The following MACROD2 variants were observed in gnomAD, a reference collection of about 807,000 sequenced individuals.
The protein encoded by MACROD2 is ADP-ribose glycohydrolase MACROD2.
Under a neutral mutation model 70.4 loss-of-function variants are expected in MACROD2, and 36 were observed. That is an observed-to-expected ratio of 0.51 (90% CI 0.39 to 0.68). The LOEUF (loss-of-function observed/expected upper bound fraction) is 0.68. MACROD2 is among the 30% of genes least tolerant of loss of function. The pLI is 0.00. For synonymous variants in MACROD2, 172 were observed against 178.8 expected, an observed-to-expected ratio of 0.96 and a Z score of 0.30; for missense variants, 496 against 538.4, an observed-to-expected ratio of 0.92 and a Z score of 0.78.
intron 6 of MACROD2, among the ~76,000 whole-genome samples, chr20:15,363,169 G>A (rs909950890): frequency 2.0e-5 from 3 of 152,198 alleles, no homozygotes; most frequent in Non-Finnish European, 4.4e-5. Context: ...AAAGCTGGGT[G>A]TTCCCTCCCT....
At chr20:15,549,128 G>A (rs1416673957) in intron 8 of MACROD2, among the ~76,000 whole-genome samples, 1 of 152,166 alleles carries the variant, frequency 6.6e-6, no homozygotes, top group Non-Finnish European at 1.5e-5. Flanking sequence ...GCTAAGTTTT[G>A]GGTTAATTTG....
In MACROD2 at chr20:15,352,632, G is replaced by C. The variant is rs2078240488; in HGVS notation, c.541-78773G>C. On this transcript the variant is annotated intron_variant, in intron 6 of 17. Coordinates refer to ENST00000684519, the MANE Select transcript of MACROD2 (RefSeq NM_001351661.2). Reference sequence around the variant, plus strand: ...AATACTGGTAATATCCTTTGTTAAAGAGGTTGTGGTAAAAACATAACTCTC... The same window carrying C: ...AATACTGGTAATATCCTTTGTTAAACAGGTTGTGGTAAAAACATAACTCTC... 5.3e-5 allele frequency among the ~76,000 whole-genome samples: 8 copies of C among 152,178 alleles called. 1 individual carries two copies. In the South Asian group the frequency reaches 1.7e-3, roughly 32 times the overall value.
intron 8 of MACROD2, among the ~76,000 whole-genome samples, chr20:15,550,577 G>T (rs1277814041): frequency 6.6e-6 from 1 of 151,890 alleles, no homozygotes; most frequent in Non-Finnish European, 1.5e-5. Context: ...CATTTTAATA[G>T]TTTATGAGCA....
chr20:14,736,587 T>TTAATATCAGTG (rs1384424907), intron 5 of MACROD2, among the ~76,000 whole-genome samples: 2 of 152,190 alleles, frequency 1.3e-5, no homozygotes, highest in Admixed American at 1.3e-4. Context: ...AGTGATATCA[T>TTAATATCAGTG]TAATATCAGT....
At chr20:15,458,737 A>C (rs934940855) in intron 7 of MACROD2, among the ~76,000 whole-genome samples, 11 of 151,262 alleles carry the variant, frequency 7.3e-5, no homozygotes, top group African/African-American at 2.4e-4. Flanking sequence ...TCAAAGTTCC[A>C]TGGGTATTTC....
At chr20:14,484,859 GCTTCC>G (rs2084704208) in intron 3 of MACROD2, among the ~76,000 whole-genome samples, 1 of 152,144 alleles carries the variant, frequency 6.6e-6, no homozygotes, top group African/African-American at 2.4e-5. Context: ...TGCTTAGGTT[GCTTCC>G]AAATCTTGGC....
chr20:15,307,270 A>G (rs1234795776), intron 6 of MACROD2, among the ~76,000 whole-genome samples: 2 of 152,220 alleles, frequency 1.3e-5, no homozygotes, highest in African/African-American at 2.4e-5. Context: ...CTGAAGCTAT[A>G]GATTTGCTGT....
intron 3 of MACROD2, among the ~76,000 whole-genome samples, chr20:14,388,705 T>G (rs1277907165): frequency 6.6e-6 from 1 of 152,160 alleles, no homozygotes; most frequent in Non-Finnish European, 1.5e-5. Context: ...CTATGGCACA[T>G]CTCAAGCAAT....
intron 15 of MACROD2, among the ~76,000 whole-genome samples, chr20:16,018,137 A>G (rs2147544913): frequency 6.6e-6 from 1 of 152,324 alleles, no homozygotes; most frequent in South Asian, 2.1e-4. Flanking sequence ...TAAAAAATGA[A>G]TATTATGAGA....
At position 15,015,560 on chromosome 20, in the gene MACROD2, G is replaced by A. The variant is rs545751604; in HGVS notation, c.419-214380G>A. ...AAATACAATTTCCTTGCCAGTTAAT[G>A]TTCCATACACTCTAATTGTGAAAGC... On this transcript the variant is annotated intron_variant, in intron 5 of 17. Transcript: ENST00000684519. Among the ~76,000 whole-genome samples, 4 of 151,028 alleles carry A rather than the reference G, an allele frequency of 2.6e-5. No homozygotes were observed. The East Asian group carries it at 7.8e-4, about 29-fold the overall frequency.
chr20:15,095,036 T>G (rs2075818485), intron 5 of MACROD2, among the ~76,000 whole-genome samples: 1 of 150,382 alleles, frequency 6.6e-6, no homozygotes, highest in African/African-American at 2.4e-5. Flanking sequence ...TCAATCATTG[T>G]TATATCTTTT....
chr20:15,122,041 T>C (rs2123251324), intron 5 of MACROD2, among the ~76,000 whole-genome samples: 1 of 152,222 alleles, frequency 6.6e-6, no homozygotes, highest in South Asian at 2.1e-4. Flanking sequence ...CAGTTTCCCA[T>C]TGTTTTTAAT....
At chr20:14,215,333 TATATAC>T (rs1280126792) in intron 3 of MACROD2, among the ~76,000 whole-genome samples, 6 of 96,382 alleles carry the variant, frequency 6.2e-5, no homozygotes, top group African/African-American at 2.3e-4. Flanking sequence ...TATGCCATCA[TATATAC>T]ACACACACAC....
intron 5 of MACROD2, among the ~76,000 whole-genome samples, chr20:14,939,731 T>C (rs2074373501): frequency 6.6e-6 from 1 of 152,136 alleles, no homozygotes; most frequent in Admixed American, 6.5e-5. Flanking sequence ...GCATTAATTA[T>C]TTTTATATTT....
chr20:14,040,149 T>C (rs889295540), intron 2 of MACROD2, among the ~76,000 whole-genome samples: 3 of 152,114 alleles, frequency 2.0e-5, no homozygotes, highest in Admixed American at 6.5e-5. Context: ...AGTTAGGTGA[T>C]TTAGTCATTG....
chr20:15,209,115 G>GATTTATTTATT (rs1555792786), intron 5 of MACROD2, among the ~76,000 whole-genome samples: 15 of 147,074 alleles, frequency 1.0e-4, no homozygotes, highest in South Asian at 2.2e-4. Context: ...GGTGGTGGTG[G>GATTTATTTATT]TATTTATTTA....
chr20:15,381,460 G>A (rs1395356657), intron 6 of MACROD2, among the ~76,000 whole-genome samples: 1 of 151,716 alleles, frequency 6.6e-6, no homozygotes, highest in Non-Finnish European at 1.5e-5. Flanking sequence ...CAGCACTTTG[G>A]GAGGCCGAGG....
chr20:15,951,932 C>T (rs770317176), intron 12 of MACROD2, among the ~76,000 whole-genome samples: 1 of 152,120 alleles, frequency 6.6e-6, no homozygotes, highest in Non-Finnish European at 1.5e-5. Flanking sequence ...TATGGTTTGG[C>T]TATGTCCCCA....
chr20:15,450,024 TAAAC>T (rs2046619734), intron 7 of MACROD2, among the ~76,000 whole-genome samples: 1 of 151,922 alleles, frequency 6.6e-6, no homozygotes, highest in African/African-American at 2.4e-5. Flanking sequence ...AAAAATAAAA[TAAAC>T]ACACACAACA....
Sources: gnomAD v4.1 joint callset for allele counts (sites outside exome capture counted in the v4.1 genomes callset) on GRCh38, gnomAD v4.1.1 for gene constraint, MANE v1.5 for transcripts, NCBI Gene and HGNC (gene_info 2026-07-23, HGNC 2026-07-21) for gene names.